Variants in PGR observed in about 807,000 individuals in gnomAD.
PGR encodes the protein progesterone receptor, also known as nuclear receptor subfamily 3 group C member 3.
PGR carries 25 observed loss-of-function variants against 76.1 expected under a neutral mutation model. That is an observed-to-expected ratio of 0.33 (90% confidence interval 0.24 to 0.46). The LOEUF (loss-of-function observed/expected upper bound fraction) is 0.46, where lower values mean the gene tolerates loss of function less well. Ranked by LOEUF, PGR falls within the 20% of genes least tolerant of loss-of-function variation. The pLI is 1.00. For synonymous variants in PGR, 579 were observed against 535.0 expected (o/e 1.08, Z -1.14); for missense variants, 1,172 against 1,225.3 (o/e 0.96, Z 0.65).
At chr11:101,117,359 T>C (rs568637851) in intron 2 of PGR, among the ~76,000 whole-genome samples, 27 of 152,310 alleles carry the variant, frequency 1.8e-4, no homozygotes, top group Non-Finnish European at 3.4e-4. Flanking sequence ...GTCTTTTTCT[T>C]GATTTGTAAG....
At chr11:101,075,992 C>T (rs1861115596) in intron 3 of PGR, among the ~76,000 whole-genome samples, 1 of 152,160 alleles carries the variant, frequency 6.6e-6, no homozygotes, top group Non-Finnish European at 1.5e-5. Flanking sequence ...GATTATAAAT[C>T]ATTGTACCAT....
At chr11:101,073,065 T>TTCTAA (rs1861000141) in intron 3 of PGR, among the ~76,000 whole-genome samples, 2 of 152,088 alleles carry the variant, frequency 1.3e-5, no homozygotes, top group African/African-American at 4.8e-5. Flanking sequence ...ATTGACCACA[T>TTCTAA]AATTGGAAGT....
At chr11:101,121,206 G>A (rs907404097) in intron 2 of PGR, among the ~76,000 whole-genome samples, 5 of 152,158 alleles carry the variant, frequency 3.3e-5, no homozygotes, top group Admixed American at 6.5e-5. Flanking sequence ...CTGCTATAGA[G>A]CAGACTCTAT....
At chr11:101,068,341 A>G (rs1411041284) in intron 3 of PGR, among the ~76,000 whole-genome samples, 2 of 152,154 alleles carry the variant, frequency 1.3e-5, no homozygotes, top group Non-Finnish European at 2.9e-5. Context: ...TTCAAGGAGA[A>G]CTACAAAACA....
At chr11:101,097,778 C>A (rs1368757955) in intron 2 of PGR, among the ~76,000 whole-genome samples, 2 of 129,796 alleles carry the variant, frequency 1.5e-5, no homozygotes, top group Admixed American at 7.9e-5. Context: ...AAGTGTTACT[C>A]TTTTTTTTTT....
intron 2 of PGR, among the ~76,000 whole-genome samples, chr11:101,097,801 G>A (rs1206707734): frequency 7.0e-6 from 1 of 143,558 alleles, no homozygotes; most frequent in African/African-American, 2.6e-5. Flanking sequence ...TTTTTGAGCG[G>A]AGTCTCGCTC....
intron 7 of PGR, 149 bp downstream of exon 7, chr11:101,041,794 TAA>T: frequency 3.1e-6 from 2 of 651,104 alleles, no homozygotes; most frequent in Non-Finnish European, 5.2e-6. Context: ...AAAAACACAA[TAA>T]AAAGTCTGAG....
At chr11:101,066,595 T>G (rs768447624) in intron 3 of PGR, among the ~76,000 whole-genome samples, 5 of 152,196 alleles carry the variant, frequency 3.3e-5, no homozygotes, top group Non-Finnish European at 5.9e-5. Context: ...GCAACTGTAT[T>G]CTCAGCATCT....
chr11:101,128,773 T>G lies in PGR; in HGVS notation c.298A>C (p.Ser100Arg). 1 of 1,614,048 alleles carries G rather than the reference T, an allele frequency of 6.2e-7. No homozygotes were observed. The highest frequency in any genetic ancestry group is 8.5e-7 in the Non-Finnish European group (1 of 1,180,014). The change falls in exon 1 of 8, where the codon AGT (serine) becomes CGT (arginine). Residue 100 changes from serine to arginine, a missense_variant. Ser to Arg is a moderately radical substitution (Grantham distance 110). Coordinates refer to ENST00000325455, the MANE Select transcript of PGR (RefSeq NM_000926.4). Reference protein sequence around the residue: ...AEATRGAGGSSSSPPEKDSGL... With the variant: ...AEATRGAGGSRSSPPEKDSGL... ...CTGTCCTTTTCTGGGGGACTAGAAC[T>G]GCTGCCTCCAGCACCCCTTGTAGCT... is the stretch of plus-strand genomic sequence containing the variant.
At chr11:101,085,524 C>CAAAAAAAAAAAAAA (rs1861463966) in intron 3 of PGR, among the ~76,000 whole-genome samples, 2 of 14,304 alleles carry the variant, frequency 1.4e-4, no homozygotes, top group African/African-American at 2.8e-4. Context: ...CCTAGAGGAA[C>CAAAAAAAAAAAAAA]TAAAAAAAAA....
At chr11:101,086,955 A>C (rs1861520779) in intron 3 of PGR, among the ~76,000 whole-genome samples, 1 of 152,210 alleles carries the variant, frequency 6.6e-6, no homozygotes, top group Non-Finnish European at 1.5e-5. Context: ...CACATGTAAA[A>C]ACATTCCATG....
intron 2 of PGR, among the ~76,000 whole-genome samples, chr11:101,118,230 T>C (rs765277304): frequency 2.6e-5 from 4 of 152,150 alleles, no homozygotes; most frequent in Non-Finnish European, 5.9e-5. Context: ...ATGAGAAAAA[T>C]AGAACCTGTC....
Position 101,085,980 on chromosome 11 carries a change from C to T in PGR, c.1906+5780G>A, listed in dbSNP as rs1861486323. On this transcript the variant is annotated intron_variant, in intron 3 of 7. Coordinates refer to ENST00000325455, the MANE Select transcript of PGR (RefSeq NM_000926.4). Reference sequence around the variant, plus strand: ...AAAACTTACCAACCAAAAAGAAAGCCCTGGCCAGAGAGATTCACAGCTAAA... The same window carrying T: ...AAAACTTACCAACCAAAAAGAAAGCTCTGGCCAGAGAGATTCACAGCTAAA... Among the ~76,000 whole-genome samples the T allele has an allele frequency of 2.6e-5, 4 of 152,006 alleles. No individual in the cohort carries two copies. In the South Asian group the frequency reaches 6.2e-4, roughly 24 times the overall value.
chr11:101,078,498 A>G (rs997180879), intron 3 of PGR, among the ~76,000 whole-genome samples: 1 of 152,174 alleles, frequency 6.6e-6, no homozygotes, highest in Non-Finnish European at 1.5e-5. Flanking sequence ...AATGTTTTCT[A>G]GAAGAAAGAA....
chr11:101,049,791 A>G lies in PGR; in HGVS notation c.2488+138T>C, dbSNP rs116506118. 470 of 652,506 alleles carry G rather than the reference A, an allele frequency of 7.2e-4. 2 individuals carry two copies. In the African/African-American group the frequency reaches 7.6e-3, roughly 11 times the overall value. 40.4% of individuals were successfully genotyped at this position (652,506 alleles called of 1,614,324 possible). The stretch of plus-strand genomic sequence containing the variant: ...AGTAATTTTATTAATGTCTATAACA[A>G]TATATTGGGTATTTCTTCTTTATAC... On this transcript the variant is annotated intron_variant, in intron 6 of 7. Coordinates refer to ENST00000325455, the MANE Select transcript of PGR (RefSeq NM_000926.4).
chr11:101,084,951 C>T (rs1280911038), intron 3 of PGR, among the ~76,000 whole-genome samples: 2 of 152,132 alleles, frequency 1.3e-5, no homozygotes, highest in African/African-American at 2.4e-5. Flanking sequence ...CTGGCACACC[C>T]AGATTCATAA....
Position 101,035,263 on chromosome 11 carries a change from T to C in PGR, c.*3853A>G. 1 of 226,994 alleles carries C rather than the reference T, an allele frequency of 4.4e-6. No individual in the cohort carries two copies. 14.1% of individuals were successfully genotyped at this position (226,994 alleles called of 1,614,324 possible). A position where few individuals can be genotyped will look rare whatever the true frequency, so the allele number is the denominator to read the frequency against. ...AAAAAATGTATGTTTTGGCAAGTTT[T>C]GAATGCTTCTTATGCACATGGCTCT... is the stretch of plus-strand genomic sequence containing the variant. On this transcript the variant is annotated 3_prime_UTR_variant, in exon 8 of 8. Transcript: ENST00000325455.
chr11:101,079,687 T>A (rs753557499), intron 3 of PGR, among the ~76,000 whole-genome samples: 1 of 152,242 alleles, frequency 6.6e-6, no homozygotes, highest in Non-Finnish European at 1.5e-5. Context: ...ACTGTAACTA[T>A]GGAAAACAGT....
intron 4 of PGR, among the ~76,000 whole-genome samples, chr11:101,056,062 A>C (rs1860277590): frequency 1.3e-5 from 2 of 151,956 alleles, no homozygotes; most frequent in African/African-American, 2.4e-5. Flanking sequence ...TTTTTTCCTT[A>C]TTAACTGTAA....
Sources: allele counts gnomAD v4.1 joint callset (sites outside exome capture counted in the v4.1 genomes callset), GRCh38; gene constraint gnomAD v4.1.1; transcripts MANE v1.5; gene names NCBI Gene and HGNC (gene_info 2026-07-23, HGNC 2026-07-21).